The following CENPI variants were observed in gnomAD, a reference collection of about 807,000 sequenced individuals.
CENPI encodes FSH primary response 1.
In CENPI, 4 loss-of-function variants were observed where a neutral mutation model predicts 60.4. The ratio of observed to expected loss-of-function variants is 0.07; its 90% CI spans 0.03 to 0.15. The LOEUF (loss-of-function observed/expected upper bound fraction) is 0.15. Ranked by LOEUF, CENPI falls within the 10% of genes least tolerant of loss-of-function variation. CENPI has a pLI of 1.00. For missense variants in CENPI, 444 were observed against 534.5 expected, an observed-to-expected ratio of 0.83 and a Z score of 1.67; for synonymous variants, 157 against 189.4, an observed-to-expected ratio of 0.83 and a Z score of 1.40.
chrX:101,124,466 C>A (rs1162329346), intron 8 of CENPI, among the ~76,000 whole-genome samples: 1 of 111,511 alleles, frequency 9.0e-6, no homozygotes, highest in African/African-American at 3.3e-5. Flanking sequence ...AAAACCCTCA[C>A]AGAAACACCC....
intron 6 of CENPI, among the ~76,000 whole-genome samples, chrX:101,117,348 G>A (rs1280775658): frequency 1.8e-5 from 2 of 111,431 alleles, no homozygotes; most frequent in East Asian, 2.8e-4. Flanking sequence ...TTACAGGCAT[G>A]CACCACCATG....
chrX:101,109,616 A>G (rs1366306133), intron 5 of CENPI, 25 bp downstream of exon 5: 2 of 1,094,923 alleles, frequency 1.8e-6, no homozygotes, highest in African/African-American at 3.6e-5. Context: ...CACTTTGATG[A>G]TAAGTCCTTC....
At position 101,165,247 on chromosome X, in the gene CENPI, G is replaced by A. The variant is rs2090139401; in HGVS notation, c.*2280G>A. 2.7e-5 allele frequency among the ~76,000 whole-genome samples: 3 copies of A among 111,977 alleles called. No homozygotes were observed. Among genetic ancestry groups the A allele is most frequent in the Non-Finnish European group, 5.6e-5 (3 of 53,234 alleles). ...CCTTTATGAAATATGGAGCTACAAT[G>A]TCAAGGTTAGACTGAAGAAGATTAA... On this transcript the variant is annotated 3_prime_UTR_variant, in exon 22 of 22. Coordinates refer to ENST00000682095, the MANE Select transcript of CENPI (RefSeq NM_001386188.2).
intron 20 of CENPI, 51 bp downstream of exon 20, chrX:101,148,212 C>T: frequency 1.0e-6 from 1 of 984,532 alleles, no homozygotes; most frequent in Admixed American, 2.5e-5. Flanking sequence ...ACTGTGGTGG[C>T]AGAAATAGGA....
rs200989215 is a variant in CENPI at position 101,161,511 on chromosome X, G to A, written c.2095-17G>A. 25 of 1,199,870 alleles carry A rather than the reference G, an allele frequency of 2.1e-5. No homozygotes were observed. The East Asian group carries it at 6.2e-4, about 30-fold the overall frequency. ...TTTGTTTTGCTTTGTTTTGTTTTTT[G>A]TTTGTTTGTTTTTAAGGAAAGCCCA... is the stretch of plus-strand genomic sequence containing the variant. On this transcript the variant is annotated splice_polypyrimidine_tract_variant and intron_variant, in intron 20 of 21. Coordinates refer to ENST00000682095, the MANE Select transcript of CENPI (RefSeq NM_001386188.2).
chrX:101,144,094 T>C (rs1396144305), intron 16 of CENPI, among the ~76,000 whole-genome samples: 2 of 101,505 alleles, frequency 2.0e-5, no homozygotes, highest in Non-Finnish European at 4.0e-5. Context: ...TTTCTTTTTT[T>C]TTTTTTTTTT....
intron 15 of CENPI, among the ~76,000 whole-genome samples, chrX:101,138,962 T>C (rs1310837025): frequency 4.5e-4 from 46 of 103,000 alleles, no homozygotes; most frequent in Non-Finnish European, 7.6e-4. Context: ...TTTTTTTTTT[T>C]AGTTTTAGTA....
At position 101,145,450 on chromosome X, in the gene CENPI, C is replaced by T. The variant is rs1201536710; in HGVS notation, c.1701+251C>T. 5.4e-5 allele frequency among the ~76,000 whole-genome samples: 6 copies of T among 110,526 alleles called. No homozygotes were observed. The Admixed American group carries it at 5.8e-4, about 11-fold the overall frequency. On this transcript the variant is annotated intron_variant, in intron 17 of 21. Transcript: ENST00000682095. ...ACATTGACCTGTGTTAATACTGGCCCTAGAGAGAAGTCTATTGTTAGCATT... is the reference window on the plus strand; with the variant it reads ...ACATTGACCTGTGTTAATACTGGCCTTAGAGAGAAGTCTATTGTTAGCATT...
intron 13 of CENPI, among the ~76,000 whole-genome samples, chrX:101,131,386 G>A (rs2089794372): frequency 9.0e-6 from 1 of 111,042 alleles, no homozygotes; most frequent in South Asian, 3.8e-4. Flanking sequence ...TAGCAATTTA[G>A]GTTGACGTTT....
At chrX:101,115,285 T>C (rs1332924994) in intron 6 of CENPI, among the ~76,000 whole-genome samples, 1 of 108,909 alleles carries the variant, frequency 9.2e-6, no homozygotes, top group Non-Finnish European at 1.9e-5. Flanking sequence ...TCATTATTTC[T>C]ATTTTTTTTT....
At chrX:101,152,520 G>A (rs2090016815) in intron 20 of CENPI, among the ~76,000 whole-genome samples, 1 of 109,447 alleles carries the variant, frequency 9.1e-6, no homozygotes, top group African/African-American at 3.3e-5. Context: ...GGGTTCAAGC[G>A]ATTCTCCTGC....
chrX:101,142,140 G>A (rs1298171654), intron 16 of CENPI, among the ~76,000 whole-genome samples: 1 of 111,871 alleles, frequency 8.9e-6, no homozygotes, highest in East Asian at 2.8e-4. Context: ...ATCAGCAGGA[G>A]ATTTAACAAA....
At chrX:101,123,671 G>A (rs12397360) in intron 8 of CENPI, among the ~76,000 whole-genome samples, 32,950 of 109,468 alleles carry the variant, frequency 0.3, 3,860 homozygotes, top group Middle Eastern at 0.47. Context: ...CACTGCCACC[G>A]TGAATTCCTG....
intron 6 of CENPI, among the ~76,000 whole-genome samples, chrX:101,112,284 GATTTTTAGTTA>G (rs1471667469): frequency 1.8e-5 from 2 of 111,838 alleles, no homozygotes; most frequent in African/African-American, 3.2e-5. Flanking sequence ...TTAATGTTGT[GATTTTTAGTTA>G]TCATATAATG....
the CENPI span, among the ~76,000 whole-genome samples, chrX:101,172,894 T>A: frequency 2.7e-5 from 3 of 111,185 alleles, no homozygotes; most frequent in Non-Finnish European, 1.9e-5. Flanking sequence ...ATTATACTCA[T>A]AAAATCATTA....
intron 13 of CENPI, among the ~76,000 whole-genome samples, chrX:101,130,703 C>T (rs2089787261): frequency 8.9e-6 from 1 of 112,258 alleles, no homozygotes; most frequent in African/African-American, 3.2e-5. Flanking sequence ...TTACAATCAA[C>T]AAACATTTTT....
intron 16 of CENPI, among the ~76,000 whole-genome samples, chrX:101,141,654 AT>A (rs2089916084): frequency 9.0e-6 from 1 of 111,092 alleles, no homozygotes; most frequent in South Asian, 3.8e-4. Flanking sequence ...AAGAACCACT[AT>A]TATAAAGAAA....
chrX:101,146,164 A>G lies in CENPI; in HGVS notation c.1713A>G (p.Ile571Met), dbSNP rs1229356975. The change falls in exon 18 of 22, where the codon ATA becomes ATG. Residue 571 changes from isoleucine (I) to methionine (M), a missense_variant. By Grantham distance (10) the Ile-to-Met change is conservative. Coordinates refer to ENST00000682095, the MANE Select transcript of CENPI (RefSeq NM_001386188.2). ...ATTCTTCCTCCAAGGTGTGTGACAT[A>G]TATATAAATTATAACCTTCCATTAG... ...ILDFYEKVCD[I>M]YINYNLPLVV... 1.7e-6 allele frequency: 2 copies of G among 1,200,271 alleles called. No individual in the cohort carries two copies. The highest frequency in any genetic ancestry group is 2.3e-6 in the Non-Finnish European group (2 of 885,976).
At chrX:101,112,953 T>C (rs1170001069) in intron 6 of CENPI, among the ~76,000 whole-genome samples, 1 of 110,351 alleles carries the variant, frequency 9.1e-6, no homozygotes, top group Non-Finnish European at 1.9e-5. Flanking sequence ...TTTTGAGATA[T>C]TCTAAATAAG....
Sources: allele counts gnomAD v4.1 joint callset (sites outside exome capture counted in the v4.1 genomes callset), GRCh38; gene constraint gnomAD v4.1.1; transcripts MANE v1.5; gene names NCBI Gene and HGNC (gene_info 2026-07-23, HGNC 2026-07-21).